Variants in FYB1 observed in about 807,000 individuals in gnomAD.
The protein encoded by FYB1 is FYN-binding protein 1.
A neutral mutation model predicts 94.1 loss-of-function variants in FYB1; 41 were observed. The ratio of observed to expected loss-of-function variants is 0.44; its 90% CI spans 0.34 to 0.57. FYB1 has a LOEUF of 0.57. Among genes scored for constraint, FYB1 ranks in the 20% least tolerant of loss-of-function variants. The probability of loss-of-function intolerance (pLI) is 0.02; values close to 1 mark genes in which losing one functional copy is unlikely to be tolerated. For synonymous variants in FYB1, 367 were observed against 353.2 expected (o/e 1.04, Z -0.44); for missense variants, 1,050 against 976.8 (o/e 1.07, Z -1.00).
At chr5:39,191,618 G>A (rs1480625818) in intron 2 of FYB1, among the ~76,000 whole-genome samples, 1 of 152,082 alleles carries the variant, frequency 6.6e-6, no homozygotes, top group African/African-American at 2.4e-5. Flanking sequence ...TCCCTTGGTG[G>A]CAATTTAAAC....
chr5:39,192,441 A>G (rs1271854594), intron 2 of FYB1, among the ~76,000 whole-genome samples: 1 of 152,228 alleles, frequency 6.6e-6, no homozygotes, highest in African/African-American at 2.4e-5. Context: ...AACTGTAAAA[A>G]CATTTATTTA....
chr5:39,250,072 A>G (rs1225914382), intron 1 of FYB1, among the ~76,000 whole-genome samples: 2 of 152,120 alleles, frequency 1.3e-5, no homozygotes, highest in Non-Finnish European at 2.9e-5. Context: ...GCTGCCATGT[A>G]AGACATGCCT....
intron 1 of FYB1, among the ~76,000 whole-genome samples, chr5:39,249,186 C>G (rs1337567821): frequency 6.6e-6 from 1 of 152,106 alleles, no homozygotes; most frequent in Non-Finnish European, 1.5e-5. Flanking sequence ...ATAGCAAGAG[C>G]CAAACCTGGG....
intron 3 of FYB1, among the ~76,000 whole-genome samples, chr5:39,146,345 C>A (rs1264709691): frequency 6.6e-6 from 1 of 152,144 alleles, no homozygotes; most frequent in East Asian, 1.9e-4. Context: ...ATTCTGTATT[C>A]CTTCGTAATT....
chr5:39,119,644 C>T lies in FYB1; in HGVS notation c.2139-10G>A. On this transcript the variant is annotated splice_polypyrimidine_tract_variant and intron_variant, in intron 14 of 18. Transcript: ENST00000512982. ...AACATTAGTTCCTTGACTAGAACGG[C>T]AGAACACACATAAAACAACACTTTG... 2 of 1,507,134 alleles carry T rather than the reference C, an allele frequency of 1.3e-6. No individual in the cohort carries two copies. The highest frequency in any genetic ancestry group is 1.4e-5 in the African/African-American group (1 of 71,074). 93.4% of individuals were successfully genotyped at this position (1,507,134 alleles called of 1,614,324 possible).
chr5:39,160,889 G>A (rs374707325), intron 2 of FYB1, among the ~76,000 whole-genome samples: 2 of 152,286 alleles, frequency 1.3e-5, no homozygotes, highest in East Asian at 1.9e-4. Context: ...TCATACTTCA[G>A]TAACTTTTAT....
intron 2 of FYB1, chr5:39,169,615 C>G (rs1745063788): frequency 4.4e-6 from 2 of 449,470 alleles, no homozygotes; most frequent in Middle Eastern, 6.3e-4. Flanking sequence ...GAGGCCGAGG[C>G]GGGTGGATTA....
At position 39,176,638 on chromosome 5, in the gene FYB1, T is replaced by C. The variant is rs536011445; in HGVS notation, c.1136-23034A>G. Among the ~76,000 whole-genome samples the C allele has an allele frequency of 4.6e-5, 7 of 152,306 alleles. No individual in the cohort carries two copies. In the East Asian group the frequency reaches 1.4e-3, roughly 29 times the overall value. ...ATTCTGACTGGTGTTTCTTTAAAAGTGCCAATCTTTAAAAAGATAAATGCT... is the reference window on the plus strand; with the variant it reads ...ATTCTGACTGGTGTTTCTTTAAAAGCGCCAATCTTTAAAAAGATAAATGCT... On this transcript the variant is annotated intron_variant, in intron 2 of 18. Coordinates refer to ENST00000512982, the MANE Select transcript of FYB1 (RefSeq NM_001465.6).
chr5:39,180,722 T>C (rs2150422239), intron 2 of FYB1, among the ~76,000 whole-genome samples: 1 of 152,312 alleles, frequency 6.6e-6, no homozygotes, highest in African/African-American at 2.4e-5. Context: ...GTAGCTAAGA[T>C]GGAGAGCAGT....
At chr5:39,170,346 A>G in intron 2 of FYB1, 1 of 1,209,936 alleles carries the variant, frequency 8.3e-7, no homozygotes, top group South Asian at 1.5e-5. Flanking sequence ...TGGCAGCAGA[A>G]TAATCCTATT....
intron 2 of FYB1, among the ~76,000 whole-genome samples, chr5:39,191,813 G>T (rs1481339683): frequency 1.3e-5 from 2 of 152,138 alleles, no homozygotes; most frequent in African/African-American, 2.4e-5. Context: ...TGTCTGAAAG[G>T]ACAGAAAATT....
chr5:39,214,207 T>C (rs759676469), intron 1 of FYB1, among the ~76,000 whole-genome samples: 1 of 152,226 alleles, frequency 6.6e-6, no homozygotes, highest in Non-Finnish European at 1.5e-5. Flanking sequence ...CACATCCATT[T>C]GAATGGCTAT....
upstream of FYB1, among the ~76,000 whole-genome samples, chr5:39,223,065 A>G (rs139296087): frequency 9.1e-4 from 139 of 152,226 alleles, no homozygotes; most frequent in Middle Eastern, 0.014. Flanking sequence ...GCACACGTTA[A>G]CCTATGTAAC....
At chr5:39,228,460 G>A (rs974413384) in intron 1 of FYB1, among the ~76,000 whole-genome samples, 1 of 152,060 alleles carries the variant, frequency 6.6e-6, no homozygotes, top group Non-Finnish European at 1.5e-5. Context: ...TACCCCTCAT[G>A]GGACAAAGAT....
In FYB1 at chr5:39,213,723, C is replaced by G. The variant is rs140802322; in HGVS notation, c.-28+5720G>C. Among the ~76,000 whole-genome samples the G allele has an allele frequency of 4.0e-4, 61 of 152,076 alleles. 1 individual carries two copies. The East Asian group carries it at 9.6e-3, about 24-fold the overall frequency. Reference sequence around the variant, plus strand: ...GATGACTATATTAGGGCTTTTTTAGCCCAACCCTGGCTCCAAACAGCTGCC... The same window carrying G: ...GATGACTATATTAGGGCTTTTTTAGGCCAACCCTGGCTCCAAACAGCTGCC... On this transcript the variant is annotated intron_variant, in intron 1 of 18. Coordinates refer to ENST00000512982, the MANE Select transcript of FYB1 (RefSeq NM_001465.6).
intron 1 of FYB1, among the ~76,000 whole-genome samples, chr5:39,259,369 A>G (rs1752122306): frequency 6.6e-6 from 1 of 152,248 alleles, no homozygotes; most frequent in Non-Finnish European, 1.5e-5. Context: ...TTTAGTAACG[A>G]GTATGCGAAA....
intron 3 of FYB1, among the ~76,000 whole-genome samples, chr5:39,145,941 C>T (rs925335909): frequency 6.7e-6 from 1 of 149,842 alleles, no homozygotes; most frequent in Non-Finnish European, 1.5e-5. Context: ...AAGACAGAGT[C>T]TCACTCTGTT....
intron 2 of FYB1, among the ~76,000 whole-genome samples, chr5:39,197,277 C>A (rs543996108): frequency 2.0e-5 from 3 of 152,272 alleles, no homozygotes; most frequent in Admixed American, 6.5e-5. Context: ...AATAGAATCT[C>A]ATTTTTTCTA....
At chr5:39,272,003 T>C (rs1198939995) in intron 1 of FYB1, among the ~76,000 whole-genome samples, 3 of 151,784 alleles carry the variant, frequency 2.0e-5, no homozygotes, top group Non-Finnish European at 4.4e-5. Context: ...TCTGTTAGAA[T>C]AGAGATCATC....
Sources: allele counts gnomAD v4.1 joint callset (sites outside exome capture counted in the v4.1 genomes callset), GRCh38; gene constraint gnomAD v4.1.1; transcripts MANE v1.5; gene names NCBI Gene and HGNC (gene_info 2026-07-23, HGNC 2026-07-21).